RYR2: variants seen among roughly 807,000 people sequenced by gnomAD.
RYR2 encodes the protein cardiac muscle ryanodine receptor-calcium release channel.
RYR2 carries 227 observed loss-of-function variants against 601.1 expected under a neutral mutation model. That is an observed-to-expected ratio of 0.38 (90% CI 0.34 to 0.42). The LOEUF is 0.42. Among genes scored for constraint, RYR2 ranks in the 10% least tolerant of loss-of-function variants. The probability of loss-of-function intolerance (pLI) is 1.00; values close to 1 mark genes in which losing one functional copy is unlikely to be tolerated. For missense variants in RYR2, 4,646 were observed against 6,156.5 expected, an observed-to-expected ratio of 0.75 and a Z score of 8.21; for synonymous variants, 2,223 against 2,175.1, an observed-to-expected ratio of 1.02 and a Z score of -0.61.
intron 2 of RYR2, among the ~76,000 whole-genome samples, chr1:237,314,492 AGTG>A (rs1694914296): frequency 6.6e-6 from 1 of 152,252 alleles, no homozygotes; most frequent in African/African-American, 2.4e-5. Flanking sequence ...TGGGTTAAAA[AGTG>A]GTACTAGCCT....
At chr1:237,274,217 G>A (rs1026990368) in intron 2 of RYR2, among the ~76,000 whole-genome samples, 2 of 150,668 alleles carry the variant, frequency 1.3e-5, no homozygotes, top group Non-Finnish European at 3.0e-5. Context: ...CTATGTATAT[G>A]TGTATATATG....
chr1:237,506,891 G>T (rs747049177), intron 23 of RYR2, 77 bp downstream of exon 23: 68 of 1,161,860 alleles, frequency 5.9e-5, no homozygotes, highest in Non-Finnish European at 8.2e-5. Context: ...GCCTTTTCCC[G>T]CTATGGGGTG....
chr1:237,818,007 G>A (rs936697480), intron 100 of RYR2, among the ~76,000 whole-genome samples: 7 of 152,152 alleles, frequency 4.6e-5, no homozygotes, highest in African/African-American at 1.4e-4. Flanking sequence ...GAGAATGTAC[G>A]AGCAAAGATC....
intron 1 of RYR2, among the ~76,000 whole-genome samples, chr1:237,107,538 G>GAAAAAAAAAAAAAAA (rs1218167557): frequency 3.3e-4 from 19 of 56,852 alleles, no homozygotes; most frequent in African/African-American, 6.7e-4. Flanking sequence ...AAAAAAAAAG[G>GAAAAAAAAAAAAAAA]AAACATTGTA....
chr1:237,506,934 C>A, intron 23 of RYR2, 120 bp downstream of exon 23: 1 of 836,586 alleles, frequency 1.2e-6, no homozygotes, highest in Non-Finnish European at 1.9e-6. Context: ...GATTTTTTTC[C>A]CCCTACACAT....
intron 1 of RYR2, among the ~76,000 whole-genome samples, chr1:237,175,918 G>A (rs1313521827): frequency 2.0e-5 from 3 of 152,184 alleles, no homozygotes; most frequent in African/African-American, 7.2e-5. Flanking sequence ...TTGTAGACGT[G>A]ATGTGTTGGA....
intron 1 of RYR2, among the ~76,000 whole-genome samples, chr1:237,246,307 G>T (rs1686824637): frequency 6.6e-6 from 1 of 151,460 alleles, no homozygotes; most frequent in African/African-American, 2.4e-5. Context: ...TGTTTACCAG[G>T]CTGGTCTCGA....
chr1:237,412,967 A>G (rs775006957), intron 10 of RYR2, among the ~76,000 whole-genome samples: 2 of 152,136 alleles, frequency 1.3e-5, no homozygotes, highest in African/African-American at 4.8e-5. Flanking sequence ...GAAAAGGGAC[A>G]ATCCCTTAAT....
rs150353512 is a variant in RYR2 at position 237,706,903 on chromosome 1, C to T, written c.9581-46C>T. On this transcript the variant is annotated intron_variant, in intron 67 of 104. Transcript: ENST00000366574. Reference sequence around the variant, plus strand: ...CCTGTGGAAATCCGCCATATCATCTCAGTACTTTCTTTGAATATCATCCAT... The same window carrying T: ...CCTGTGGAAATCCGCCATATCATCTTAGTACTTTCTTTGAATATCATCCAT... 0.011 allele frequency: 15,807 copies of T among 1,493,008 alleles called. 106 individuals are homozygous for T. The highest frequency in any genetic ancestry group is 0.021 in the Middle Eastern group (121 of 5,762). The allele number at this position is 1,493,008 out of a possible 1,614,324, so 92.5% of individuals were successfully genotyped here.
intron 12 of RYR2, among the ~76,000 whole-genome samples, chr1:237,429,541 C>G (rs1222718683): frequency 6.6e-6 from 1 of 152,072 alleles, no homozygotes; most frequent in African/African-American, 2.4e-5. Flanking sequence ...TGCTGCCTGA[C>G]CCTGTGTCTA....
At chr1:237,359,043 C>T (rs1255911671) in intron 4 of RYR2, among the ~76,000 whole-genome samples, 1 of 152,066 alleles carries the variant, frequency 6.6e-6, no homozygotes, top group African/African-American at 2.4e-5. Flanking sequence ...AGTACAGGTG[C>T]TCCTCCAGTT....
intron 1 of RYR2, among the ~76,000 whole-genome samples, chr1:237,073,223 T>C (rs951856756): frequency 6.6e-6 from 1 of 152,162 alleles, no homozygotes; most frequent in South Asian, 2.1e-4. Flanking sequence ...GTGGTGGGTG[T>C]TGAGAATACA....
At chr1:237,578,694 C>G (rs1673543338) in intron 29 of RYR2, among the ~76,000 whole-genome samples, 1 of 77,062 alleles carries the variant, frequency 1.3e-5, no homozygotes, top group Non-Finnish European at 2.7e-5. Context: ...AGGTCTCTCA[C>G]CCATTCTGCA....
At chr1:237,262,696 T>C (rs1688657983) in intron 1 of RYR2, among the ~76,000 whole-genome samples, 1 of 152,210 alleles carries the variant, frequency 6.6e-6, no homozygotes. Context: ...ATTAAGCCAC[T>C]GGTTTCCGTG....
In RYR2 at chr1:237,674,748, A is replaced by G; in HGVS notation, c.8732A>G (p.Glu2911Gly). The change falls in exon 60 of 105, where the codon GAA becomes GGA. Residue 2911 changes from glutamate to glycine, a missense_variant. Physicochemically the swap from Glu to Gly is moderately conservative, Grantham distance 98. Coordinates refer to ENST00000366574, the MANE Select transcript of RYR2 (RefSeq NM_001035.3). ...TCTTCCAGAGGATTTAAGGACCTGG[A>G]ACTGGACACGCCTTCTATTGAGAAA... ...YAVSRGFKDL[E>G]LDTPSIEKRF... 1 of 1,610,862 alleles carries G rather than the reference A, an allele frequency of 6.2e-7. No homozygotes were observed. Among genetic ancestry groups the G allele is most frequent in the Non-Finnish European group, 8.5e-7 (1 of 1,177,434 alleles).
At chr1:237,483,927 T>C (rs1001137159) in intron 17 of RYR2, among the ~76,000 whole-genome samples, 9 of 152,216 alleles carry the variant, frequency 5.9e-5, no homozygotes, top group Non-Finnish European at 1.0e-4. Flanking sequence ...GTTTGAATAA[T>C]TTGTAATTAA....
chr1:237,577,977 A>G (rs1673452995), intron 29 of RYR2, among the ~76,000 whole-genome samples: 1 of 152,004 alleles, frequency 6.6e-6, no homozygotes, highest in Admixed American at 6.5e-5. Flanking sequence ...TAATTTTTGT[A>G]TTTTTAATAG....
At position 237,625,604 on chromosome 1, in the gene RYR2, T is replaced by C. The variant is rs1050195326; in HGVS notation, c.6023-57T>C. 5 of 1,543,648 alleles carry C rather than the reference T, an allele frequency of 3.2e-6. No homozygotes were observed. The East Asian group carries it at 9.0e-5, about 28-fold the overall frequency. ...AAGAAATTACAAGGCCTCAGAATTATTTGCCCAAGTGTATTCTTTAAATAT... is the reference window on the plus strand; with the variant it reads ...AAGAAATTACAAGGCCTCAGAATTACTTGCCCAAGTGTATTCTTTAAATAT... On this transcript the variant is annotated intron_variant, in intron 39 of 104. Transcript: ENST00000366574.
chr1:237,768,667 A>G (rs1025381582), intron 84 of RYR2, among the ~76,000 whole-genome samples: 10 of 152,166 alleles, frequency 6.6e-5, no homozygotes, highest in Admixed American at 2.6e-4. Context: ...TGCACACATC[A>G]CAAAATAGAC....
Sources: allele counts gnomAD v4.1 joint callset (sites outside exome capture counted in the v4.1 genomes callset), GRCh38; gene constraint gnomAD v4.1.1; transcripts MANE v1.5; gene names NCBI Gene and HGNC (gene_info 2026-07-23, HGNC 2026-07-21).